Variants in NADK observed in about 807,000 individuals in gnomAD.
The protein encoded by NADK is poly(P)/ATP NAD kinase.
Under a neutral mutation model 49.8 loss-of-function variants are expected in NADK, and 22 were observed. That is an observed-to-expected ratio of 0.44 (90% CI 0.32 to 0.63). NADK has a LOEUF of 0.63. NADK is among the 30% of genes least tolerant of loss of function. The pLI is 0.06. For missense variants in NADK, 438 were observed against 609.4 expected (o/e 0.72, Z 2.96); for synonymous variants, 268 against 253.7 (o/e 1.06, Z -0.54).
intron 1 of NADK, among the ~76,000 whole-genome samples, chr1:1,774,334 A>G (rs6603810): frequency 0.83 from 125,729 of 151,960 alleles, 53,948 homozygotes; most frequent in Non-Finnish European, 0.95. Context: ...AGGTTCAAGC[A>G]ATTCTCCTGC....
rs1474100826 is a variant in NADK at position 1,759,674 on chromosome 1, G to A, written c.263+2278C>T. The A allele has an allele frequency of 3.3e-6, 5 of 1,506,436 alleles. No individual in the cohort carries two copies. The South Asian group carries it at 3.7e-5, about 11-fold the overall frequency. 93.3% of individuals were successfully genotyped at this position (1,506,436 alleles called of 1,614,324 possible). On this transcript the variant is annotated intron_variant, in intron 3 of 11. Coordinates refer to ENST00000341426, the MANE Select transcript of NADK (RefSeq NM_023018.5). ...CAGAGACACAGAGCCCAGAGGGGGC[G>A]TGCTCCCATGGGGGTGCCGAGAAAG... is the stretch of plus-strand genomic sequence containing the variant.
At chr1:1,773,719 T>TGAGAGAGAGA (rs1416052430) in intron 1 of NADK, among the ~76,000 whole-genome samples, 17 of 137,252 alleles carry the variant, frequency 1.2e-4, no homozygotes, top group East Asian at 2.2e-4. Context: ...TGTGTGTGTG[T>TGAGAGAGAGA]GTGTGTGTGT....
upstream of NADK, among the ~76,000 whole-genome samples, chr1:1,779,388 C>T (rs775931028): frequency 1.3e-5 from 2 of 152,206 alleles, no homozygotes; most frequent in Admixed American, 6.5e-5. Flanking sequence ...CAATAATGTG[C>T]CCTATACCCA....
At position 1,766,101 on chromosome 1, in the gene NADK, C is replaced by T. The variant is rs1198325532; in HGVS notation, c.-40-655G>A. Among the ~76,000 whole-genome samples, 3 of 147,298 alleles carry T rather than the reference C, an allele frequency of 2.0e-5. No homozygotes were observed. The East Asian group carries it at 5.9e-4, about 29-fold the overall frequency. On this transcript the variant is annotated intron_variant, in intron 1 of 11. Transcript: ENST00000341426. ...TGGGCAACAAAGAACTCTTCTCTAG[C>T]AAAAAAAAAATTAGCCGGGCATGGT... is the stretch of plus-strand genomic sequence containing the variant.
Position 1,765,333 on chromosome 1 carries a change from G to A in NADK, c.74C>T (p.Ala25Val), listed in dbSNP as rs202107698. 5.6e-6 allele frequency: 9 copies of A among 1,613,538 alleles called. No individual in the cohort carries two copies. Among genetic ancestry groups the A allele is most frequent in the Non-Finnish European group, 7.6e-6 (9 of 1,179,856 alleles). ...SPDAAAYCCS[A>V]CHGDETWSYN... ...ACTCCAGGTCTCATCGCCGTGGCAG[G>A]CCGAGCAGCAGTAAGCAGCCGCGTC... Residue 25 changes from alanine to valine, a missense_variant, in exon 2 of 12, where the codon GCC (alanine) becomes GTC (valine). Ala to Val is a moderately conservative substitution (Grantham distance 64, BLOSUM62 0). Transcript: ENST00000341426.
At chr1:1,776,499 GC>G (rs1557868458) in intron 1 of NADK, among the ~76,000 whole-genome samples, 1 of 152,194 alleles carries the variant, frequency 6.6e-6, no homozygotes, top group African/African-American at 2.4e-5. Context: ...AGTGAGGCAA[GC>G]TGTGGTGGCT....
chr1:1,759,225 C>G, intron 3 of NADK: 1 of 1,574,860 alleles, frequency 6.3e-7, no homozygotes, highest in Non-Finnish European at 8.6e-7. Context: ...ACCAGCGCCT[C>G]GACCTCTTCC....
chr1:1,753,030 G>A lies in NADK; in HGVS notation c.1215C>T (p.Leu405=). The A allele has an allele frequency of 1.2e-6, 2 of 1,611,326 alleles. No homozygotes were observed. Among genetic ancestry groups the A allele is most frequent in the African/African-American group, 1.3e-5 (1 of 75,038 alleles). ...CGGGGTCCCGCACACAGATGGAGGG[G>A]AGCGGGTAGCATGAGGTAGTGATGC... The part of the protein sequence containing the change: ...SISITTSCYP[L]PSICVRDPVS... The change falls in exon 12 of 12, where the codon CTC becomes CTT. Residue 405 remains leucine (L), a synonymous_variant. Coordinates refer to ENST00000341426, the MANE Select transcript of NADK (RefSeq NM_023018.5).
In NADK at chr1:1,765,306, T is replaced by A. The variant is rs1645851888; in HGVS notation, c.101A>T (p.Tyr34Phe). 6.2e-7 allele frequency: 1 copy of A among 1,613,476 alleles called. No individual in the cohort carries two copies. Among genetic ancestry groups the A allele is most frequent in the Non-Finnish European group, 8.5e-7 (1 of 1,179,790 alleles). The change falls in exon 2 of 12, where the codon TAC becomes TTC. Residue 34 changes from tyrosine (Y) to phenylalanine (F), a missense_variant. Tyr to Phe is a conservative substitution (Grantham distance 22). Transcript: ENST00000341426. ...GGCCCGGCCCCGGATGGGGTGGTTG[T>A]AACTCCAGGTCTCATCGCCGTGGCA... ...SACHGDETWS[Y>F]NHPIRGRAKS... is the part of the protein sequence containing the mutation.
Position 1,752,594 on chromosome 1 carries a change from T to G in NADK, c.*310A>C, listed in dbSNP as rs762499198. ...CTCCTCTGAATTTCAACCGACTGAT[T>G]TGCGGAAAAATATCCTGGCATGGAA... On this transcript the variant is annotated 3_prime_UTR_variant, in exon 12 of 12. Transcript: ENST00000341426. 3.4e-6 allele frequency: 1 copy of G among 294,594 alleles called. No homozygotes were observed. Among genetic ancestry groups the G allele is most frequent in the African/African-American group, 2.2e-5 (1 of 46,342 alleles). 18.2% of individuals were successfully genotyped at this position (294,594 alleles called of 1,614,324 possible).
At position 1,754,230 on chromosome 1, in the gene NADK, G is replaced by A. The variant is rs935904827; in HGVS notation, c.944-22C>T. On this transcript the variant is annotated intron_variant, in intron 9 of 11. Transcript: ENST00000341426. This position sits in a 1 kb window ranked among gnomAD's most constrained non-coding sequence, Gnocchi z 4.3. Reference sequence around the variant, plus strand: ...ACTCCTGACAGGGACAGGCGCAGGCGTCACTCCCGCCCGAGGGACGCTCAG... The same window carrying A: ...ACTCCTGACAGGGACAGGCGCAGGCATCACTCCCGCCCGAGGGACGCTCAG... 7 of 1,612,924 alleles carry A rather than the reference G, an allele frequency of 4.3e-6. No homozygotes were observed. The highest frequency in any genetic ancestry group is 1.7e-5 in the Admixed American group (1 of 59,972).
chr1:1,769,851 T>C (rs1298946702), intron 1 of NADK, among the ~76,000 whole-genome samples: 1 of 151,472 alleles, frequency 6.6e-6, no homozygotes, highest in Non-Finnish European at 1.5e-5. Context: ...CCGAGGTGGG[T>C]GGATCATTTG....
rs1645854146 is a variant in NADK at position 1,765,375 on chromosome 1, T to C, written c.32A>G (p.Asn11Ser). The change falls in exon 2 of 12, where the codon AAT (asparagine) becomes AGT (serine). Residue 11 changes from asparagine to serine, a missense_variant. By Grantham distance (46) the Asn-to-Ser change is conservative (BLOSUM62 1). Coordinates refer to ENST00000341426, the MANE Select transcript of NADK (RefSeq NM_023018.5). MEMEQEKMTMNKELSPDAAAY... is the reference protein window; with the variant it reads MEMEQEKMTMSKELSPDAAAY... Reference sequence around the variant, plus strand: ...AGCCGCGTCTGGACTCAATTCCTTATTCATGGTCATTTTTTCTTGTTCCAT... The same window carrying C: ...AGCCGCGTCTGGACTCAATTCCTTACTCATGGTCATTTTTTCTTGTTCCAT... The C allele has an allele frequency of 6.2e-7, 1 of 1,605,496 alleles. No individual in the cohort carries two copies. Among genetic ancestry groups the C allele is most frequent in the South Asian group, 1.1e-5 (1 of 89,584 alleles).
intron 3 of NADK, chr1:1,758,685 A>G (rs1645613328): frequency 1.8e-6 from 2 of 1,091,418 alleles, no homozygotes; most frequent in Admixed American, 1.0e-4. Flanking sequence ...CAAACAAAAC[A>G]AAACAGTTTC....
intron 3 of NADK, among the ~76,000 whole-genome samples, chr1:1,757,527 G>C (rs377151620): frequency 6.6e-6 from 1 of 151,636 alleles, no homozygotes; most frequent in Admixed American, 6.6e-5. Context: ...CACCTGCTTG[G>C]CCCATCACAC....
chr1:1,762,527 G>A (rs1399862746), intron 2 of NADK, among the ~76,000 whole-genome samples: 1 of 152,182 alleles, frequency 6.6e-6, no homozygotes, highest in African/African-American at 2.4e-5. Flanking sequence ...AGGCTGAGGT[G>A]GGTGGATCAC....
chr1:1,754,198 C>T lies in NADK; in HGVS notation c.954G>A (p.Val318=). The change falls in exon 10 of 12, where the codon GTG becomes GTA. Residue 318 remains valine (V), a synonymous_variant. Coordinates refer to ENST00000341426, the MANE Select transcript of NADK (RefSeq NM_023018.5). This position sits in a 1 kb window ranked among gnomAD's most constrained non-coding sequence, Gnocchi z 4.3. ...ACGCCGTGCTGCCCGTCGGGGTGGA[C>T]ACGATCACTCCTGACAGGGACAGGC... is the stretch of plus-strand genomic sequence containing the variant. ...ITTVQGDGVI[V]STPTGSTAYA... The T allele has an allele frequency of 6.2e-7, 1 of 1,612,822 alleles. No homozygotes were observed. The highest frequency in any genetic ancestry group is 8.5e-7 in the Non-Finnish European group (1 of 1,179,826).
chr1:1,775,060 G>T (rs928579052), intron 1 of NADK, among the ~76,000 whole-genome samples: 2 of 151,964 alleles, frequency 1.3e-5, no homozygotes, highest in African/African-American at 4.8e-5. Flanking sequence ...AGTGAGCTGA[G>T]ATCACGCCAC....
chr1:1,769,468 G>A (rs1009933045), intron 1 of NADK, among the ~76,000 whole-genome samples: 5 of 151,970 alleles, frequency 3.3e-5, no homozygotes, highest in Admixed American at 2.6e-4. Context: ...GGAGAATGGC[G>A]TGAACCCAGG....
Sources: gnomAD v4.1 joint callset for allele counts (sites outside exome capture counted in the v4.1 genomes callset) on GRCh38, gnomAD v4.1.1 for gene constraint, Gnocchi (gnomAD v3.1) non-coding constraint, MANE v1.5 for transcripts, NCBI Gene and HGNC (gene_info 2026-07-23, HGNC 2026-07-21) for gene names.